The following ATRN variants were observed in gnomAD, a reference collection of about 807,000 sequenced individuals.
The protein encoded by ATRN is attractin-2.
In ATRN, 54 loss-of-function variants were observed where a neutral mutation model predicts 178.7. That is an observed-to-expected ratio of 0.30 (90% CI 0.24 to 0.38). The LOEUF is 0.38. Among genes scored for constraint, ATRN ranks in the 10% least tolerant of loss-of-function variants. The pLI is 1.00. For missense variants in ATRN, 1,443 were observed against 1,815.1 expected (o/e 0.79, Z 3.73); for synonymous variants, 636 against 663.0 (o/e 0.96, Z 0.63).
chr20:3,501,032 A>C (rs1172907302), intron 1 of ATRN, among the ~76,000 whole-genome samples: 1 of 152,172 alleles, frequency 6.6e-6, no homozygotes, highest in Non-Finnish European at 1.5e-5. Flanking sequence ...TTGATTATAC[A>C]TTTCTAGAGG....
Position 3,492,854 on chromosome 20 carries a change from G to GGC in ATRN, c.410+21349_410+21350dup, listed in dbSNP as rs144765964. On this transcript the variant is annotated intron_variant, in intron 1 of 28. Transcript: ENST00000262919. Reference sequence around the variant, plus strand: ...AGAAAGGGAGAGAGAGAGAGAGAGAGGCGCGCGCGCGCGTGCGCACGCACA... The same window carrying GGC: ...AGAAAGGGAGAGAGAGAGAGAGAGAGGCGCGCGCGCGCGCGTGCGCACGCACA... Among the ~76,000 whole-genome samples the GGC allele has an allele frequency of 8.0e-3, 1,054 of 132,392 alleles. 19 individuals are homozygous for GGC. The highest frequency in any genetic ancestry group is 0.029 in the African/African-American group (963 of 33,176). The allele number at this position is 132,392 out of a possible 152,430, so 86.9% of individuals were successfully genotyped here.
chr20:3,561,139 A>G (rs2085947259), intron 8 of ATRN, among the ~76,000 whole-genome samples: 1 of 152,138 alleles, frequency 6.6e-6, no homozygotes, highest in African/African-American at 2.4e-5. Flanking sequence ...TGGCACCAAC[A>G]TGGTGAAACC....
Position 3,638,970 on chromosome 20 carries a change from CTT to C in ATRN, c.4050+39_4050+40del. On this transcript the variant is annotated intron_variant, in intron 27 of 28. Transcript: ENST00000262919. The surrounding 1 kb of genome is among the most constrained non-coding windows in gnomAD (Gnocchi z 4.5). ...TGACTCAGAAGTCCCTATAACTTGA[CTT>C]TTTAAAACTTAGGCTCCTAAGTCTG... is the stretch of plus-strand genomic sequence containing the variant. 6.4e-7 allele frequency: 1 copy of C among 1,556,434 alleles called. No homozygotes were observed. Among genetic ancestry groups the C allele is most frequent in the Non-Finnish European group, 8.8e-7 (1 of 1,138,496 alleles).
At chr20:3,546,834 G>C (rs2085710458) in intron 4 of ATRN, among the ~76,000 whole-genome samples, 1 of 152,170 alleles carries the variant, frequency 6.6e-6, no homozygotes, top group Non-Finnish European at 1.5e-5. Context: ...AGAGTGTACA[G>C]AGGAATATGT....
rs546586749 is a variant in ATRN at position 3,524,402 on chromosome 20, C to A, written c.411-10851C>A. On this transcript the variant is annotated intron_variant, in intron 1 of 28. Coordinates refer to ENST00000262919, the MANE Select transcript of ATRN (RefSeq NM_139321.3). The stretch of plus-strand genomic sequence containing the variant: ...TATATGCACCCAATACAGGAGCACC[C>A]AGATTCGTAAAGCAAGTCTTTAGAG... Among the ~76,000 whole-genome samples, 4 of 152,262 alleles carry A rather than the reference C, an allele frequency of 2.6e-5. No individual in the cohort carries two copies. In the South Asian group the frequency reaches 8.3e-4, roughly 32 times the overall value.
At chr20:3,520,533 C>T (rs891090161) in intron 1 of ATRN, among the ~76,000 whole-genome samples, 7 of 152,088 alleles carry the variant, frequency 4.6e-5, no homozygotes, top group Non-Finnish European at 1.0e-4. Context: ...CTTGCTCTGT[C>T]ACCCAGGCTG....
At chr20:3,551,475 C>T (rs892344594) in intron 6 of ATRN, among the ~76,000 whole-genome samples, 2 of 152,178 alleles carry the variant, frequency 1.3e-5, no homozygotes, top group Non-Finnish European at 2.9e-5. Context: ...GTCTCACTTC[C>T]TGATGTTTGT....
At chr20:3,549,742 T>C (rs1198042094) in intron 6 of ATRN, among the ~76,000 whole-genome samples, 1 of 152,254 alleles carries the variant, frequency 6.6e-6, no homozygotes. Flanking sequence ...GCTAATCTCG[T>C]GCTGCTCATT....
chr20:3,565,033 C>T lies in ATRN; in HGVS notation c.1787-315C>T, dbSNP rs967595426. Among the ~76,000 whole-genome samples, 3 of 152,136 alleles carry T rather than the reference C, an allele frequency of 2.0e-5. No individual in the cohort carries two copies. In the South Asian group the frequency reaches 6.2e-4, roughly 31 times the overall value. The stretch of plus-strand genomic sequence containing the variant: ...TGAGCTGAGATCACACCACTGCACT[C>T]CAGCCTGGGTGACAGAGCGAGACTC... On this transcript the variant is annotated intron_variant, in intron 10 of 28. Coordinates refer to ENST00000262919, the MANE Select transcript of ATRN (RefSeq NM_139321.3).
intron 23 of ATRN, among the ~76,000 whole-genome samples, chr20:3,601,293 T>C (rs993837549): frequency 1.3e-5 from 2 of 152,198 alleles, no homozygotes; most frequent in Non-Finnish European, 2.9e-5. Context: ...CTTGCTGTGG[T>C]GTCAGGCTCA....
chr20:3,626,220 A>C (rs890487972), intron 25 of ATRN, among the ~76,000 whole-genome samples: 11 of 138,584 alleles, frequency 7.9e-5, no homozygotes, highest in African/African-American at 3.0e-4. Flanking sequence ...TGACAGAGTG[A>C]GACCCTGTCT....
At chr20:3,532,542 C>G (rs754686070) in intron 1 of ATRN, among the ~76,000 whole-genome samples, 4 of 152,088 alleles carry the variant, frequency 2.6e-5, no homozygotes, top group Non-Finnish European at 5.9e-5. Flanking sequence ...ATGGTCTCTT[C>G]TTGGATGTTT....
chr20:3,566,721 T>C (rs981690841), intron 11 of ATRN, among the ~76,000 whole-genome samples: 5 of 151,964 alleles, frequency 3.3e-5, no homozygotes, highest in Non-Finnish European at 7.4e-5. Flanking sequence ...CTGGTCAACA[T>C]GGCAAAACCC....
rs572780209 is a variant in ATRN at position 3,562,993 on chromosome 20, G to A, written c.1632-216G>A. Among the ~76,000 whole-genome samples the A allele has an allele frequency of 6.6e-5, 10 of 152,262 alleles. No individual in the cohort carries two copies. In the South Asian group the frequency reaches 1.9e-3, roughly 28 times the overall value. Reference sequence around the variant, plus strand: ...ATTATATAGCTACGGGGTATGAAGAGTTTAAGGTTCTTAATATATTTTGCC... The same window carrying A: ...ATTATATAGCTACGGGGTATGAAGAATTTAAGGTTCTTAATATATTTTGCC... On this transcript the variant is annotated intron_variant, in intron 9 of 28. Transcript: ENST00000262919.
In ATRN at chr20:3,471,252, C is replaced by T. The variant is rs1257568633; in HGVS notation, c.145C>T (p.Leu49Phe). ...GRPGLGAGLRLPRLLSPPLRP... is the reference protein window; with the variant it reads ...GRPGLGAGLRFPRLLSPPLRP... ...GCCGGGGCTGGGGGCCGGGCTGCGC[C>T]TCCCGCGGCTGCTGTCTCCACCGCT... Residue 49 changes from leucine to phenylalanine, a missense_variant, in exon 1 of 29, where the codon CTC (leucine) becomes TTC (phenylalanine). Coordinates refer to ENST00000262919, the MANE Select transcript of ATRN (RefSeq NM_139321.3). 87 of 1,444,466 alleles carry T rather than the reference C, an allele frequency of 6.0e-5. No homozygotes were observed. The highest frequency in any genetic ancestry group is 7.7e-5 in the Non-Finnish European group (85 of 1,108,874). 89.5% of individuals were successfully genotyped at this position (1,444,466 alleles called of 1,614,324 possible). A position where few individuals can be genotyped will look rare whatever the true frequency, so the allele number is the denominator to read the frequency against.
At chr20:3,627,242 G>A (rs984805025) in intron 25 of ATRN, among the ~76,000 whole-genome samples, 13 of 152,156 alleles carry the variant, frequency 8.5e-5, no homozygotes, top group African/African-American at 2.9e-4. Flanking sequence ...AATCACTTGC[G>A]GAGCTTTTGA....
chr20:3,545,909 G>C lies in ATRN; in HGVS notation c.737+19G>C, dbSNP rs769869257. On this transcript the variant is annotated intron_variant, in intron 4 of 28. Transcript: ENST00000262919. The stretch of plus-strand genomic sequence containing the variant: ...CTTACAGGTAAGATACTTAAGTCTA[G>C]TATTTGTGATTTCATTCAGGAGACT... 2.5e-6 allele frequency: 4 copies of C among 1,610,360 alleles called. No homozygotes were observed. The highest frequency in any genetic ancestry group is 3.4e-6 in the Non-Finnish European group (4 of 1,177,142).
At chr20:3,544,832 T>TG in intron 3 of ATRN, among the ~76,000 whole-genome samples, 1 of 151,716 alleles carries the variant, frequency 6.6e-6, no homozygotes, top group Admixed American at 6.6e-5. Context: ...TAAGGTTTTT[T>TG]TTTTTTTTTT....
At chr20:3,540,156 T>C in intron 2 of ATRN, 66 bp from the exon 3 acceptor site, 1 of 934,228 alleles carries the variant, frequency 1.1e-6, no homozygotes, top group Non-Finnish European at 1.6e-6. Flanking sequence ...ATCTGAATTT[T>C]TATATTCTCA....
Sources: gnomAD v4.1 joint callset for allele counts (sites outside exome capture counted in the v4.1 genomes callset) on GRCh38, gnomAD v4.1.1 for gene constraint, Gnocchi (gnomAD v3.1) non-coding constraint, MANE v1.5 for transcripts, NCBI Gene and HGNC (gene_info 2026-07-23, HGNC 2026-07-21) for gene names.